PDE6A: variants seen among roughly 807,000 people sequenced by gnomAD.
PDE6A encodes the protein rod cGMP-specific 3',5'-cyclic phosphodiesterase subunit alpha.
A neutral mutation model predicts 106.3 loss-of-function variants in PDE6A; 84 were observed. The observed-to-expected ratio is 0.79, with a 90% CI of 0.66 to 0.95. The LOEUF is 0.95. Among genes scored for constraint, PDE6A ranks in the 40% least tolerant of loss-of-function variants. The pLI is 0.00. For missense variants in PDE6A, 1,052 were observed against 1,084.9 expected, an observed-to-expected ratio of 0.97 and a Z score of 0.43; for synonymous variants, 394 against 386.6, an observed-to-expected ratio of 1.02 and a Z score of -0.23.
intron 4 of PDE6A, among the ~76,000 whole-genome samples, chr5:149,929,005 G>A (rs1753948922): frequency 6.6e-6 from 1 of 152,182 alleles, no homozygotes; most frequent in Non-Finnish European, 1.5e-5. Flanking sequence ...ACCAAGTATT[G>A]ATGAAGAAAC....
chr5:149,928,692 ATCATTG>A (rs1461091219), intron 4 of PDE6A, among the ~76,000 whole-genome samples: 58 of 152,308 alleles, frequency 3.8e-4, no homozygotes, highest in Non-Finnish European at 5.6e-4. Context: ...TAGGCGGGCC[ATCATTG>A]ATCAAAATGT....
In PDE6A at chr5:149,859,569, G is replaced by C. The variant is rs957617131; in HGVS notation, c.*1326C>G. On this transcript the variant is annotated 3_prime_UTR_variant, in exon 22 of 22. Coordinates refer to ENST00000255266, the MANE Select transcript of PDE6A (RefSeq NM_000440.3). Reference sequence around the variant, plus strand: ...GACCCCACGAGGAGTCGTGGAGCTGGAACAGCCCTGCACAGTTATCCCATG... The same window carrying C: ...GACCCCACGAGGAGTCGTGGAGCTGCAACAGCCCTGCACAGTTATCCCATG... The C allele has an allele frequency of 5.3e-5, 8 of 152,310 alleles. No homozygotes were observed. The highest frequency in any genetic ancestry group is 1.9e-4 in the African/African-American group (8 of 41,454). The allele number at this position is 152,310 out of a possible 1,614,324, so 9.4% of individuals were successfully genotyped here. A position where few individuals can be genotyped will look rare whatever the true frequency, so the allele number is the denominator to read the frequency against.
chr5:149,916,228 A>G (rs774636962), intron 5 of PDE6A, among the ~76,000 whole-genome samples: 3 of 152,170 alleles, frequency 2.0e-5, no homozygotes, highest in Non-Finnish European at 2.9e-5. Flanking sequence ...CCCAAATTGC[A>G]AGTCTTCCTT....
rs1217082211 is a variant in PDE6A, at chr5:149,934,689, G to A, written c.504C>T (p.Ile168=). 6.2e-7 allele frequency: 1 copy of A among 1,613,952 alleles called. No homozygotes were observed. The highest frequency in any genetic ancestry group is 8.5e-7 in the Non-Finnish European group (1 of 1,179,996). The change falls in exon 2 of 22, where the codon ATC becomes ATT. Residue 168 remains isoleucine, a synonymous_variant. Coordinates refer to ENST00000255266, the MANE Select transcript of PDE6A (RefSeq NM_000440.3). ...EDEHFCDFVD[I]LTEYKTKNIL... The stretch of plus-strand genomic sequence containing the variant: ...TGTTCTTGGTCTTGTACTCTGTGAG[G>A]ATGTCCACAAAGTCACAGAAATGCT...
intron 17 of PDE6A, among the ~76,000 whole-genome samples, chr5:149,878,395 TCG>T (rs1760816708): frequency 6.6e-6 from 1 of 152,220 alleles, no homozygotes; most frequent in African/African-American, 2.4e-5. Flanking sequence ...GAAAGTGTTA[TCG>T]TTTATTTAAC....
chr5:149,920,942 AAAAGAAAGAAAG>A (rs3049632), intron 5 of PDE6A, among the ~76,000 whole-genome samples: 105 of 108,350 alleles, frequency 9.7e-4, no homozygotes, highest in South Asian at 2.0e-3. Context: ...GAAAGAGAGA[AAAAGAAAGAAAG>A]AAAGAAAGAA....
At chr5:149,897,560 G>T (rs933042845) in intron 10 of PDE6A, among the ~76,000 whole-genome samples, 2 of 152,158 alleles carry the variant, frequency 1.3e-5, no homozygotes, top group African/African-American at 4.8e-5. Flanking sequence ...CTTAAGAAAT[G>T]CCCTCTAAAA....
chr5:149,884,195 A>AT (rs35852293), intron 16 of PDE6A, among the ~76,000 whole-genome samples: 23,253 of 138,678 alleles, frequency 0.17, 2,287 homozygotes, highest in Middle Eastern at 0.29. Context: ...AAAGAAAAAA[A>AT]AAAAATATAT....
At chr5:149,894,385 G>A (rs1752653691) in intron 13 of PDE6A, among the ~76,000 whole-genome samples, 1 of 152,106 alleles carries the variant, frequency 6.6e-6, no homozygotes, top group African/African-American at 2.4e-5. Context: ...ATGTGTTTAT[G>A]GGAGCAGCTA....
At chr5:149,898,857 ATTATTTT>A (rs1288955602) in intron 9 of PDE6A, among the ~76,000 whole-genome samples, 25 of 152,210 alleles carry the variant, frequency 1.6e-4, no homozygotes, top group South Asian at 4.2e-4. Context: ...AAGTTTGTTA[ATTATTTT>A]TTATTTTTTA....
chr5:149,922,650 T>G (rs544673945), intron 4 of PDE6A, among the ~76,000 whole-genome samples: 1 of 152,330 alleles, frequency 6.6e-6, no homozygotes, highest in African/African-American at 2.4e-5. Flanking sequence ...TCTGAGTGAT[T>G]GGAATCAGAC....
chr5:149,932,310 C>A (rs763052576), intron 3 of PDE6A: 17 of 1,439,292 alleles, frequency 1.2e-5, no homozygotes, highest in Non-Finnish European at 6.9e-6. Flanking sequence ...GCCAACTGCA[C>A]GGATTTCTTC....
intron 20 of PDE6A, among the ~76,000 whole-genome samples, chr5:149,865,332 C>A (rs1258585168): frequency 6.6e-6 from 1 of 151,136 alleles, no homozygotes; most frequent in Admixed American, 6.6e-5. Context: ...ATCATTTGGG[C>A]CTGGGAGGTC....
intron 17 of PDE6A, among the ~76,000 whole-genome samples, chr5:149,874,293 A>T (rs577002538): frequency 2.6e-5 from 4 of 152,280 alleles, no homozygotes; most frequent in Admixed American, 1.3e-4. Context: ...TCCCCAAGTT[A>T]CCTACCCTTC....
chr5:149,933,826 G>A, intron 3 of PDE6A, 104 bp downstream of exon 3: 1 of 792,490 alleles, frequency 1.3e-6, no homozygotes, highest in Non-Finnish European at 2.2e-6. Flanking sequence ...GCCAGAGACT[G>A]GCTTCCTAGG....
intron 9 of PDE6A, among the ~76,000 whole-genome samples, 182 bp from the exon 10 acceptor site, chr5:149,898,688 A>G (rs1752850279): frequency 6.6e-6 from 1 of 152,154 alleles, no homozygotes; most frequent in Admixed American, 6.5e-5. Flanking sequence ...ATGTGACCAC[A>G]CTGTACATAA....
chr5:149,936,139 G>A (rs1754173543), intron 1 of PDE6A, among the ~76,000 whole-genome samples: 2 of 102,364 alleles, frequency 2.0e-5, no homozygotes, highest in Non-Finnish European at 1.8e-5. Context: ...GGGTGACAGA[G>A]CAAGACCCTG....
intron 3 of PDE6A, chr5:149,931,965 A>G: frequency 8.1e-7 from 1 of 1,234,654 alleles, no homozygotes; most frequent in Non-Finnish European, 1.2e-6. Flanking sequence ...AATCTTTTAT[A>G]TTTCCAGCTG....
At position 149,930,150 on chromosome 5, in the gene PDE6A, C is replaced by G. The variant is rs1353955001; in HGVS notation, c.858+878G>C. On this transcript the variant is annotated intron_variant, in intron 4 of 21. Transcript: ENST00000255266. Reference sequence around the variant, plus strand: ...AAAACATTAAGTAAAAAATGGCAGACTATCAGAAAATGCAGTCCAGTAATT... The same window carrying G: ...AAAACATTAAGTAAAAAATGGCAGAGTATCAGAAAATGCAGTCCAGTAATT... Among the ~76,000 whole-genome samples, 5 of 152,218 alleles carry G rather than the reference C, an allele frequency of 3.3e-5. No homozygotes were observed. In the East Asian group the frequency reaches 9.6e-4, roughly 29 times the overall value.
Sources: allele counts gnomAD v4.1 joint callset (sites outside exome capture counted in the v4.1 genomes callset), GRCh38; gene constraint gnomAD v4.1.1; transcripts MANE v1.5; gene names NCBI Gene and HGNC (gene_info 2026-07-23, HGNC 2026-07-21).